CDK19: variants seen among roughly 807,000 people sequenced by gnomAD.
CDK19 encodes cyclin dependent kinase 19.
A neutral mutation model predicts 68.3 loss-of-function variants in CDK19; 20 were observed. The ratio of observed to expected loss-of-function variants is 0.29; its 90% CI spans 0.21 to 0.43. The LOEUF is 0.43. CDK19 is among the 20% of genes least tolerant of loss of function. The pLI, the probability that CDK19 is intolerant of heterozygous loss-of-function variation, is 1.00. For synonymous variants in CDK19, 221 were observed against 222.8 expected (o/e 0.99, Z 0.07); for missense variants, 339 against 623.5 (o/e 0.54, Z 4.86).
intron 1 of CDK19, among the ~76,000 whole-genome samples, chr6:110,767,544 T>C (rs567597979): frequency 2.1e-5 from 3 of 146,290 alleles, no homozygotes; most frequent in Non-Finnish European, 4.5e-5. Flanking sequence ...TTAGTAGAGA[T>C]AGGGCTTCAC....
At position 110,730,457 on chromosome 6, in the gene CDK19, T is replaced by C. The variant is rs567835115; in HGVS notation, c.204+15669A>G. ...TGTGGAACAGGTTCTAACTCAGCTTTCTTTACTATTTGATTTCACTAACAT... is the reference window on the plus strand; with the variant it reads ...TGTGGAACAGGTTCTAACTCAGCTTCCTTTACTATTTGATTTCACTAACAT... On this transcript the variant is annotated intron_variant, in intron 2 of 12. Transcript: ENST00000368911. Among the ~76,000 whole-genome samples the C allele has an allele frequency of 2.4e-3, 370 of 152,340 alleles. 7 individuals are homozygous for C. The highest frequency in any genetic ancestry group is 8.3e-4 in the South Asian group (4 of 4,830).
intron 2 of CDK19, among the ~76,000 whole-genome samples, chr6:110,704,873 A>G (rs921005038): frequency 6.6e-6 from 1 of 152,092 alleles, no homozygotes; most frequent in Non-Finnish European, 1.5e-5. Flanking sequence ...AATGGCAATA[A>G]AAATAGAAAG....
At chr6:110,655,362 T>A (rs1462912054) in intron 4 of CDK19, among the ~76,000 whole-genome samples, 1 of 149,802 alleles carries the variant, frequency 6.7e-6, no homozygotes, top group Non-Finnish European at 1.5e-5. Flanking sequence ...CAAGACTCCA[T>A]CTCAAAAAAA....
chr6:110,627,669 A>C (rs1562134457), intron 6 of CDK19, among the ~76,000 whole-genome samples: 1 of 152,104 alleles, frequency 6.6e-6, no homozygotes. Flanking sequence ...TGCTACTTGT[A>C]CCTGGCTAAT....
chr6:110,717,326 A>G (rs1775485764), intron 2 of CDK19, among the ~76,000 whole-genome samples: 1 of 151,942 alleles, frequency 6.6e-6, no homozygotes, highest in African/African-American at 2.4e-5. Flanking sequence ...TCAAAATACC[A>G]CTTTAAATCT....
intron 2 of CDK19, among the ~76,000 whole-genome samples, chr6:110,723,758 T>C (rs1241237954): frequency 2.0e-5 from 3 of 152,224 alleles, no homozygotes; most frequent in African/African-American, 7.2e-5. Flanking sequence ...AACAAAGCCA[T>C]GCCCACAGGC....
At chr6:110,751,110 A>T (rs1778445657) in intron 1 of CDK19, among the ~76,000 whole-genome samples, 1 of 152,202 alleles carries the variant, frequency 6.6e-6, no homozygotes, top group South Asian at 2.1e-4. Flanking sequence ...CTGGGATTAC[A>T]GGCATGAGCC....
chr6:110,636,790 T>C (rs978414056), intron 5 of CDK19, among the ~76,000 whole-genome samples: 1 of 152,108 alleles, frequency 6.6e-6, no homozygotes, highest in African/African-American at 2.4e-5. Context: ...GTATTTTAAA[T>C]TGGGAAAAGG....
chr6:110,685,714 T>C (rs577428306), intron 2 of CDK19, among the ~76,000 whole-genome samples: 2 of 152,306 alleles, frequency 1.3e-5, no homozygotes, highest in African/African-American at 4.8e-5. Flanking sequence ...GGCTTCAAAG[T>C]TAAAACTCCT....
Position 110,611,332 on chromosome 6 carries a change from G to A in CDK19, c.*3203C>T, listed in dbSNP as rs1303222738. On this transcript the variant is annotated 3_prime_UTR_variant, in exon 13 of 13. Coordinates refer to ENST00000368911, the MANE Select transcript of CDK19 (RefSeq NM_015076.5). ...AGTTTGGGTGTTCCCATAGGCTGAG[G>A]GATGCCCCTCCTGTACCCTTGGGGG... 6.6e-6 allele frequency: 1 copy of A among 152,224 alleles called. No homozygotes were observed. The highest frequency in any genetic ancestry group is 1.5e-5 in the Non-Finnish European group (1 of 68,056). 9.4% of individuals were successfully genotyped at this position (152,224 alleles called of 1,614,324 possible).
chr6:110,759,416 AAAAAAAAAAAAAATAT>A (rs1779053116), intron 1 of CDK19, among the ~76,000 whole-genome samples: 1 of 113,578 alleles, frequency 8.8e-6, no homozygotes, highest in African/African-American at 4.0e-5. Flanking sequence ...AAAAAAAAAA[AAAAAAAAAAAAAATAT>A]ATATATATAT....
intron 2 of CDK19, among the ~76,000 whole-genome samples, chr6:110,744,310 C>G (rs1777917804): frequency 6.6e-6 from 1 of 151,748 alleles, no homozygotes; most frequent in Admixed American, 6.6e-5. Flanking sequence ...TGCCCAGCCA[C>G]AAATACCACT....
At chr6:110,632,526 T>C (rs1779503206) in intron 5 of CDK19, among the ~76,000 whole-genome samples, 1 of 151,924 alleles carries the variant, frequency 6.6e-6, no homozygotes, top group African/African-American at 2.4e-5. Flanking sequence ...ATGTCAAGAG[T>C]TAGAGACCAG....
At chr6:110,805,114 T>C (rs1782592825) in intron 1 of CDK19, among the ~76,000 whole-genome samples, 1 of 152,200 alleles carries the variant, frequency 6.6e-6, no homozygotes, top group Non-Finnish European at 1.5e-5. Context: ...TGAGACTCTC[T>C]TTTATCCTGT....
intron 2 of CDK19, among the ~76,000 whole-genome samples, chr6:110,675,408 A>G (rs1057270047): frequency 1.3e-5 from 2 of 152,116 alleles, no homozygotes; most frequent in Non-Finnish European, 2.9e-5. Context: ...CAGGTGAATC[A>G]CCTGAGGTCG....
intron 1 of CDK19, among the ~76,000 whole-genome samples, chr6:110,792,286 A>G (rs1202404366): frequency 6.6e-6 from 1 of 151,990 alleles, no homozygotes; most frequent in Non-Finnish European, 1.5e-5. Flanking sequence ...TATTTTTTTA[A>G]TTTAATTTGA....
intron 2 of CDK19, among the ~76,000 whole-genome samples, chr6:110,714,660 G>A (rs185000832): frequency 8.7e-5 from 13 of 149,386 alleles, no homozygotes; most frequent in African/African-American, 2.5e-4. Flanking sequence ...AATTAATGAC[G>A]TTGAGCATCT....
At chr6:110,728,586 C>T in intron 2 of CDK19, among the ~76,000 whole-genome samples, 1 of 142,392 alleles carries the variant, frequency 7.0e-6, no homozygotes, top group African/African-American at 2.5e-5. Flanking sequence ...AAAAAAAAAA[C>T]TAATTTGACT....
chr6:110,734,112 C>A (rs1309473735), intron 2 of CDK19, among the ~76,000 whole-genome samples: 1 of 152,042 alleles, frequency 6.6e-6, no homozygotes, highest in Non-Finnish European at 1.5e-5. Flanking sequence ...CAGGTTCAAG[C>A]AATTCTCGTG....
Sources: gnomAD v4.1 joint callset for allele counts (sites outside exome capture counted in the v4.1 genomes callset) on GRCh38, gnomAD v4.1.1 for gene constraint, MANE v1.5 for transcripts, NCBI Gene and HGNC (gene_info 2026-07-23, HGNC 2026-07-21) for gene names.